The following KIAA1217 variants were observed in gnomAD, a reference collection of about 807,000 sequenced individuals.
KIAA1217 encodes the protein sickle tail protein homolog.
KIAA1217 carries 88 observed loss-of-function variants against 163.9 expected under a neutral mutation model. The ratio of observed to expected loss-of-function variants is 0.54; its 90% CI spans 0.45 to 0.64. KIAA1217 has a LOEUF of 0.64. Ranked by LOEUF, KIAA1217 falls within the 30% of genes least tolerant of loss-of-function variation. KIAA1217 has a pLI of 0.00. For missense variants in KIAA1217, 2,372 were observed against 2,475.0 expected (o/e 0.96, Z 0.88); for synonymous variants, 903 against 923.1 (o/e 0.98, Z 0.39).
chr10:23,705,573 T>C (rs2130719169), intron 1 of KIAA1217, among the ~76,000 whole-genome samples: 1 of 152,296 alleles, frequency 6.6e-6, no homozygotes, highest in Admixed American at 6.5e-5. Flanking sequence ...ATTTATGGGG[T>C]CTTAATGTTA....
rs145342414 is a variant in KIAA1217 at position 23,907,720 on chromosome 10, G to A, written c.-320-99505G>A. 5.7e-3 allele frequency among the ~76,000 whole-genome samples: 871 copies of A among 152,180 alleles called. 4 individuals carry two copies. Among genetic ancestry groups the A allele is most frequent in the Admixed American group, 0.015 (226 of 15,284 alleles). On this transcript the variant is annotated intron_variant, in intron 1 of 18. Coordinates refer to the KIAA1217 transcript ENST00000376462. The stretch of plus-strand genomic sequence containing the variant: ...CTTTGCTCAGCCTACCGACTCAAAC[G>A]TCAATGTCTTCTGAAACACCCTCAC...
chr10:23,776,091 A>G (rs1206615588), intron 1 of KIAA1217, among the ~76,000 whole-genome samples: 1 of 152,182 alleles, frequency 6.6e-6, no homozygotes, highest in African/African-American at 2.4e-5. Flanking sequence ...ATAATCAAAC[A>G]TTAAGTAGAG....
At chr10:24,533,877 A>T (rs2073521800) in intron 16 of KIAA1217, among the ~76,000 whole-genome samples, 1 of 152,256 alleles carries the variant, frequency 6.6e-6, no homozygotes, top group Non-Finnish European at 1.5e-5. Context: ...GGCTGTGCCC[A>T]AAACTGATCC....
chr10:23,750,977 C>G (rs377578006), intron 1 of KIAA1217, among the ~76,000 whole-genome samples: 39 of 147,906 alleles, frequency 2.6e-4, no homozygotes, highest in East Asian at 1.6e-3. Flanking sequence ...CCTTCCCTTT[C>G]TTCCCTTTCC....
intron 2 of KIAA1217, among the ~76,000 whole-genome samples, chr10:24,087,071 T>G (rs1401844729): frequency 6.6e-6 from 1 of 152,222 alleles, no homozygotes; most frequent in African/African-American, 2.4e-5. Flanking sequence ...GTAAGTCTAC[T>G]CATCCTTAAA....
intron 3 of KIAA1217, among the ~76,000 whole-genome samples, chr10:24,403,301 C>T (rs2056796170): frequency 6.6e-6 from 1 of 152,062 alleles, no homozygotes; most frequent in African/African-American, 2.4e-5. Context: ...TGCAATGGTG[C>T]AATCTCAGCT....
chr10:24,408,066 G>C (rs981134570), intron 3 of KIAA1217, among the ~76,000 whole-genome samples: 4 of 152,052 alleles, frequency 2.6e-5, no homozygotes, highest in African/African-American at 9.7e-5. Context: ...AGACAGCCTG[G>C]GATCATGTCC....
At chr10:24,282,823 CTTTTTT>C (rs34486953) in intron 2 of KIAA1217, among the ~76,000 whole-genome samples, 2 of 46,278 alleles carry the variant, frequency 4.3e-5, no homozygotes, top group African/African-American at 8.8e-5. Flanking sequence ...GGTGTTGCTT[CTTTTTT>C]TTTTTTTTTT....
chr10:24,015,125 G>A (rs987789393), intron 2 of KIAA1217, among the ~76,000 whole-genome samples: 1 of 152,050 alleles, frequency 6.6e-6, no homozygotes, highest in African/African-American at 2.4e-5. Flanking sequence ...AACCAACAAA[G>A]TAAATGGCAA....
At chr10:24,382,768 A>G (rs1266768363) in intron 3 of KIAA1217, among the ~76,000 whole-genome samples, 2 of 152,074 alleles carry the variant, frequency 1.3e-5, no homozygotes, top group Admixed American at 6.6e-5. Flanking sequence ...GACAGTGTCA[A>G]GATGACACAG....
At chr10:24,381,737 C>T (rs78201594) in intron 3 of KIAA1217, among the ~76,000 whole-genome samples, 2 of 152,300 alleles carry the variant, frequency 1.3e-5, no homozygotes, top group East Asian at 3.9e-4. Flanking sequence ...CCTCTTCTCA[C>T]CTTGCAACCC....
intron 4 of KIAA1217, among the ~76,000 whole-genome samples, chr10:24,436,586 G>A (rs1373779246): frequency 2.6e-5 from 4 of 151,264 alleles, no homozygotes; most frequent in African/African-American, 7.3e-5. Context: ...GTGAAAACCC[G>A]TCTCTACGGA....
intron 2 of KIAA1217, among the ~76,000 whole-genome samples, chr10:24,051,751 C>G (rs1178356272): frequency 6.6e-6 from 1 of 152,048 alleles, no homozygotes; most frequent in Non-Finnish European, 1.5e-5. Context: ...TGTATATCTT[C>G]TTTTGAGAAT....
At chr10:24,446,685 T>C (rs939075135) in intron 5 of KIAA1217, among the ~76,000 whole-genome samples, 6 of 152,238 alleles carry the variant, frequency 3.9e-5, no homozygotes, top group Admixed American at 2.6e-4. Context: ...ATAACTAACA[T>C]TCCTGACGTG....
chr10:23,728,721 T>G (rs1406577057), intron 1 of KIAA1217, among the ~76,000 whole-genome samples: 1 of 152,238 alleles, frequency 6.6e-6, no homozygotes, highest in Non-Finnish European at 1.5e-5. Context: ...ACTTCATGAC[T>G]AAAACGCCAA....
At chr10:23,983,399 G>T (rs987828371) in intron 1 of KIAA1217, among the ~76,000 whole-genome samples, 1 of 152,190 alleles carries the variant, frequency 6.6e-6, no homozygotes, top group South Asian at 2.1e-4. Context: ...GAACCATAGT[G>T]GTTTCTGCTT....
At chr10:24,435,005 TG>T (rs1290263310) in intron 4 of KIAA1217, among the ~76,000 whole-genome samples, 1 of 152,176 alleles carries the variant, frequency 6.6e-6, no homozygotes, top group Admixed American at 6.5e-5. Flanking sequence ...GTCCACACCC[TG>T]GGGGGAATAG....
At chr10:23,784,512 G>A (rs1835404160) in intron 1 of KIAA1217, among the ~76,000 whole-genome samples, 1 of 151,816 alleles carries the variant, frequency 6.6e-6, no homozygotes, top group African/African-American at 2.4e-5. Context: ...TTGTTTGTTT[G>A]TTTTTAGATC....
At chr10:24,211,868 G>A (rs185387776) in intron 1 of KIAA1217, among the ~76,000 whole-genome samples, 86 of 151,932 alleles carry the variant, frequency 5.7e-4, no homozygotes, top group Admixed American at 2.0e-3. Context: ...AGCCTGGGCA[G>A]CATAGTGAGA....
Sources: gnomAD v4.1 joint callset for allele counts (sites outside exome capture counted in the v4.1 genomes callset) on GRCh38, gnomAD v4.1.1 for gene constraint, MANE v1.5 for transcripts, NCBI Gene and HGNC (gene_info 2026-07-23, HGNC 2026-07-21) for gene names.